NCAM1: variants seen among roughly 807,000 people sequenced by gnomAD.
NCAM1 encodes the protein neural cell adhesion molecule 1.
Under a neutral mutation model 109.8 loss-of-function variants are expected in NCAM1, and 14 were observed. That is an observed-to-expected ratio of 0.13 (90% CI 0.08 to 0.20). The LOEUF is 0.20. Ranked by LOEUF, NCAM1 falls within the 10% of genes least tolerant of loss-of-function variation. The probability of loss-of-function intolerance (pLI) is 1.00; values close to 1 mark genes in which losing one functional copy is unlikely to be tolerated. For synonymous variants in NCAM1, 418 were observed against 442.9 expected, an observed-to-expected ratio of 0.94 and a Z score of 0.70; for missense variants, 774 against 1,109.9, an observed-to-expected ratio of 0.70 and a Z score of 4.30.
chr11:113,070,193 G>A (rs1331142463), intron 1 of NCAM1, among the ~76,000 whole-genome samples: 3 of 152,082 alleles, frequency 2.0e-5, no homozygotes, highest in Non-Finnish European at 4.4e-5. Context: ...CTTGGGTGCT[G>A]AATGACGTGA....
At chr11:112,983,742 G>T (rs1016363551) in intron 1 of NCAM1, among the ~76,000 whole-genome samples, 2 of 151,962 alleles carry the variant, frequency 1.3e-5, no homozygotes, top group Non-Finnish European at 1.5e-5. Context: ...TCTGCATTTT[G>T]CAGGATTTCC....
At chr11:113,180,770 G>T (rs781849645) in intron 1 of NCAM1, among the ~76,000 whole-genome samples, 3 of 152,206 alleles carry the variant, frequency 2.0e-5, no homozygotes, top group Non-Finnish European at 4.4e-5. Context: ...AATAAATCCA[G>T]CTCCCCAGCT....
intron 1 of NCAM1, among the ~76,000 whole-genome samples, chr11:113,019,073 T>G (rs1213866727): frequency 1.3e-5 from 2 of 152,150 alleles, no homozygotes; most frequent in Non-Finnish European, 2.9e-5. Flanking sequence ...TGAAGTGTGA[T>G]AGTGATACTC....
chr11:113,259,700 CTTT>C (rs61638375), intron 16 of NCAM1, among the ~76,000 whole-genome samples: 2 of 113,454 alleles, frequency 1.8e-5, no homozygotes, highest in East Asian at 2.3e-4. Context: ...CCCATCATTG[CTTT>C]TTTTTTTTTT....
At chr11:112,984,411 A>G (rs113858771) in intron 1 of NCAM1, among the ~76,000 whole-genome samples, 2 of 151,940 alleles carry the variant, frequency 1.3e-5, no homozygotes, top group South Asian at 4.1e-4. Flanking sequence ...CATATCCAGA[A>G]GAGGGATTTT....
At chr11:113,138,806 C>T (rs1330620076) in intron 1 of NCAM1, among the ~76,000 whole-genome samples, 1 of 152,230 alleles carries the variant, frequency 6.6e-6, no homozygotes, top group Non-Finnish European at 1.5e-5. Flanking sequence ...GGAATTTAAT[C>T]ATCCAGCCGA....
intron 1 of NCAM1, among the ~76,000 whole-genome samples, chr11:112,997,318 G>T (rs550029997): frequency 1.3e-4 from 20 of 152,170 alleles, no homozygotes; most frequent in Non-Finnish European, 2.4e-4. Flanking sequence ...TAAAATGAAG[G>T]AGCATAAATT....
At chr11:113,213,940 G>T (rs574556304) in intron 7 of NCAM1, among the ~76,000 whole-genome samples, 64 of 152,258 alleles carry the variant, frequency 4.2e-4, no homozygotes, top group Non-Finnish European at 5.1e-4. Context: ...ATGCCACACT[G>T]TTCTCTTCCC....
chr11:113,037,453 A>G (rs1952927628), intron 1 of NCAM1, among the ~76,000 whole-genome samples: 3 of 152,124 alleles, frequency 2.0e-5, no homozygotes, highest in African/African-American at 2.4e-5. Context: ...TAACAGAAAC[A>G]AGGTGCAAGC....
chr11:112,990,247 A>T (rs140823339), intron 1 of NCAM1, among the ~76,000 whole-genome samples: 1 of 152,320 alleles, frequency 6.6e-6, no homozygotes, highest in Non-Finnish European at 1.5e-5. Flanking sequence ...TCCCTGGGAC[A>T]TCTTCCCACT....
chr11:113,010,491 C>A (rs1952019228), intron 1 of NCAM1, among the ~76,000 whole-genome samples: 1 of 152,094 alleles, frequency 6.6e-6, no homozygotes, highest in African/African-American at 2.4e-5. Context: ...ACCACCTCAC[C>A]TGTTATTTAT....
chr11:113,267,190 T>C (rs2137731773), intron 17 of NCAM1, among the ~76,000 whole-genome samples: 1 of 152,352 alleles, frequency 6.6e-6, no homozygotes, highest in South Asian at 2.1e-4. Context: ...GAAATAGTAT[T>C]CTCGTCTCCA....
At chr11:113,170,229 G>C (rs181769278) in intron 1 of NCAM1, among the ~76,000 whole-genome samples, 1 of 152,186 alleles carries the variant, frequency 6.6e-6, no homozygotes, top group Non-Finnish European at 1.5e-5. Flanking sequence ...CTAATAGAGG[G>C]AGAGGGTTCC....
chr11:113,207,913 A>G lies in NCAM1; in HGVS notation c.827A>G (p.Lys276Arg), dbSNP rs781907460. The G allele has an allele frequency of 2.5e-6, 4 of 1,612,788 alleles. No homozygotes were observed. The highest frequency in any genetic ancestry group is 3.4e-6 in the Non-Finnish European group (4 of 1,179,442). The change falls in exon 7 of 20, where the codon AAG (lysine) becomes AGG (arginine). Residue 276 changes from lysine (K) to arginine (R), a missense_variant. Lys to Arg is a conservative substitution (Grantham distance 26). Around this residue, in one of 4 missense-constraint regions of NCAM1, gnomAD observed 523 missense variants for 784.2 expected, o/e 0.67. Transcript: ENST00000316851. ...GATAGTTCCCAGCTGACCATCAAAA[A>G]GGTGGATAAGAACGACGAGGCTGAG... ...SDDSSQLTIKKVDKNDEAEYI... is the reference protein window; with the variant it reads ...SDDSSQLTIKRVDKNDEAEYI...
intron 1 of NCAM1, among the ~76,000 whole-genome samples, chr11:113,171,874 G>A (rs137918760): frequency 8.5e-5 from 13 of 152,258 alleles, no homozygotes; most frequent in African/African-American, 3.1e-4. Flanking sequence ...GATATAATTA[G>A]TTAAGGTGAA....
chr11:113,202,354 G>GTTTTT (rs2136893679), intron 1 of NCAM1, 25 bp from the exon 2 acceptor site: 1 of 1,598,266 alleles, frequency 6.3e-7, no homozygotes, highest in Non-Finnish European at 8.5e-7. Flanking sequence ...TTTTTGTTTT[G>GTTTTT]TTTTGTTTTG....
At chr11:113,234,313 C>T (rs1296143736) in intron 13 of NCAM1, among the ~76,000 whole-genome samples, 1 of 150,570 alleles carries the variant, frequency 6.6e-6, no homozygotes, top group Admixed American at 6.6e-5. Flanking sequence ...ATATACATAA[C>T]ATACATTTTA....
intron 1 of NCAM1, among the ~76,000 whole-genome samples, chr11:112,992,773 C>T (rs1415892648): frequency 6.6e-6 from 1 of 152,162 alleles, no homozygotes; most frequent in Non-Finnish European, 1.5e-5. Flanking sequence ...TTCCTAAGTG[C>T]TGGGATTACA....
chr11:113,268,077 G>A (rs1946175755), intron 17 of NCAM1, among the ~76,000 whole-genome samples: 1 of 152,192 alleles, frequency 6.6e-6, no homozygotes, highest in Non-Finnish European at 1.5e-5. Context: ...GGAGCCCTGT[G>A]TCATGGAATG....
Sources: gnomAD v4.1 joint callset for allele counts (sites outside exome capture counted in the v4.1 genomes callset) on GRCh38, gnomAD v4.1.1 for gene constraint, gnomAD v4.1.1 regional missense constraint, MANE v1.5 for transcripts, NCBI Gene and HGNC (gene_info 2026-07-23, HGNC 2026-07-21) for gene names.